The following MAGI2 variants were observed in gnomAD, a reference collection of about 807,000 sequenced individuals.
MAGI2 encodes the protein membrane associated guanylate kinase, WW and PDZ domain containing 2.
In MAGI2, 35 loss-of-function variants were observed where a neutral mutation model predicts 133.3. The observed-to-expected ratio is 0.26, with a 90% CI of 0.20 to 0.35. The LOEUF (loss-of-function observed/expected upper bound fraction) is 0.35, where lower values mean the gene tolerates loss of function less well. Ranked by LOEUF, MAGI2 falls within the 10% of genes least tolerant of loss-of-function variation. The pLI is 1.00. For synonymous variants in MAGI2, 729 were observed against 710.6 expected, an observed-to-expected ratio of 1.03 and a Z score of -0.41; for missense variants, 1,636 against 1,863.4, an observed-to-expected ratio of 0.88 and a Z score of 2.25.
At chr7:79,256,340 T>A (rs185793746) in intron 1 of MAGI2, among the ~76,000 whole-genome samples, 40 of 152,314 alleles carry the variant, frequency 2.6e-4, no homozygotes, top group African/African-American at 8.4e-4. Context: ...TGGCTGTTCC[T>A]TATCATGAAC....
intron 3 of MAGI2, among the ~76,000 whole-genome samples, chr7:78,525,751 G>C (rs1796894949): frequency 6.6e-6 from 1 of 152,192 alleles, no homozygotes; most frequent in Non-Finnish European, 1.5e-5. Flanking sequence ...TTCAGTTAAA[G>C]TGGGAAAGTG....
At chr7:79,349,524 C>T (rs931964629) in intron 1 of MAGI2, among the ~76,000 whole-genome samples, 2 of 151,798 alleles carry the variant, frequency 1.3e-5, no homozygotes, top group Non-Finnish European at 2.9e-5. Flanking sequence ...ATTTATTCCC[C>T]ACAACACTCT....
intron 6 of MAGI2, among the ~76,000 whole-genome samples, chr7:78,469,601 C>T (rs1480168778): frequency 6.6e-6 from 1 of 152,158 alleles, no homozygotes; most frequent in Non-Finnish European, 1.5e-5. Flanking sequence ...GAAGACTTCT[C>T]TTTATGAAAT....
intron 1 of MAGI2, among the ~76,000 whole-genome samples, chr7:79,175,180 G>T (rs1825982906): frequency 6.6e-6 from 1 of 151,768 alleles, no homozygotes; most frequent in Admixed American, 6.6e-5. Flanking sequence ...GAGAAAATCT[G>T]AATCAAAATT....
At chr7:79,326,941 G>A (rs1839741848) in intron 1 of MAGI2, among the ~76,000 whole-genome samples, 1 of 152,150 alleles carries the variant, frequency 6.6e-6, no homozygotes, top group African/African-American at 2.4e-5. Context: ...GAGAGAAGAC[G>A]AAAGAAGATG....
At chr7:79,012,929 T>C (rs1377866168) in intron 1 of MAGI2, among the ~76,000 whole-genome samples, 1 of 152,152 alleles carries the variant, frequency 6.6e-6, no homozygotes, top group Non-Finnish European at 1.5e-5. Context: ...GAAAATAATG[T>C]TTCTTTTTAT....
chr7:78,443,535 A>G (rs1411629948), intron 6 of MAGI2, among the ~76,000 whole-genome samples: 1 of 152,156 alleles, frequency 6.6e-6, no homozygotes, highest in African/African-American at 2.4e-5. Context: ...AGTTGATAAA[A>G]TCTAATTCAC....
intron 2 of MAGI2, among the ~76,000 whole-genome samples, chr7:78,887,906 G>A (rs1472738741): frequency 3.3e-5 from 5 of 152,210 alleles, no homozygotes; most frequent in Non-Finnish European, 5.9e-5. Flanking sequence ...GCAGCGCACC[G>A]AGCATGAGCC....
At chr7:78,216,416 T>C (rs908102087) in intron 10 of MAGI2, among the ~76,000 whole-genome samples, 1 of 152,230 alleles carries the variant, frequency 6.6e-6, no homozygotes, top group African/African-American at 2.4e-5. Context: ...CTCATCTACT[T>C]GAAACCTTGT....
At chr7:78,516,681 A>G (rs1796071862) in intron 4 of MAGI2, among the ~76,000 whole-genome samples, 1 of 152,094 alleles carries the variant, frequency 6.6e-6, no homozygotes, top group Non-Finnish European at 1.5e-5. Context: ...AGGAATTTTT[A>G]CCTATGGTGG....
intron 2 of MAGI2, among the ~76,000 whole-genome samples, chr7:78,860,957 C>A (rs2151500505): frequency 6.6e-6 from 1 of 152,316 alleles, no homozygotes; most frequent in Admixed American, 6.5e-5. Flanking sequence ...GCACCCCTCC[C>A]CAAGCCTCGC....
intron 7 of MAGI2, among the ~76,000 whole-genome samples, chr7:78,351,217 G>A (rs2361378): frequency 0.57 from 86,874 of 151,830 alleles, 25,698 homozygotes; most frequent in Middle Eastern, 0.66. Context: ...TGTAAAATAC[G>A]CATTGTGGGC....
intron 2 of MAGI2, among the ~76,000 whole-genome samples, chr7:78,792,478 G>A (rs1248281077): frequency 6.6e-6 from 1 of 152,188 alleles, no homozygotes; most frequent in Non-Finnish European, 1.5e-5. Context: ...GGAACCTCAG[G>A]CTGGAAATAA....
intron 2 of MAGI2, among the ~76,000 whole-genome samples, chr7:78,886,683 A>T (rs10252628): frequency 0.01 from 1,541 of 152,256 alleles, 31 homozygotes; most frequent in African/African-American, 0.035. Flanking sequence ...ACTTTTATAA[A>T]TTTTTATGTA....
chr7:78,321,097 C>A (rs993530500), intron 9 of MAGI2, among the ~76,000 whole-genome samples: 1 of 152,254 alleles, frequency 6.6e-6, no homozygotes, highest in African/African-American at 2.4e-5. Flanking sequence ...GAACTACAAA[C>A]CACTGCTCAA....
rs756182324 is a variant in MAGI2 at position 78,324,136 on chromosome 7, TACACTACACTACACTAC to T, written c.1408+19625_1408+19641del. On this transcript the variant is annotated intron_variant, in intron 9 of 21. Coordinates refer to ENST00000354212, the MANE Select transcript of MAGI2 (RefSeq NM_012301.4). ...GAGCAAAATAATTGACACACTACAC[TACACTACACTACACTAC>T]ACACTACACTACACTACACACTACA... Among the ~76,000 whole-genome samples the T allele has an allele frequency of 8.8e-3, 1,166 of 132,334 alleles. 9 individuals are homozygous for T. The highest frequency in any genetic ancestry group is 0.013 in the Non-Finnish European group (780 of 61,622). 86.8% of individuals were successfully genotyped at this position (132,334 alleles called of 152,430 possible).
intron 2 of MAGI2, among the ~76,000 whole-genome samples, chr7:78,668,340 G>C (rs1229357060): frequency 6.6e-6 from 1 of 150,882 alleles, no homozygotes; most frequent in African/African-American, 2.5e-5. Context: ...CCATTTTGTA[G>C]GTTGCCTGTT....
chr7:78,804,565 G>A (rs1429541451), intron 2 of MAGI2, among the ~76,000 whole-genome samples: 2 of 149,074 alleles, frequency 1.3e-5, no homozygotes, highest in Non-Finnish European at 3.0e-5. Context: ...TGGCTAACAC[G>A]GTGAAACCCC....
intron 2 of MAGI2, among the ~76,000 whole-genome samples, chr7:78,972,152 G>T (rs989753164): frequency 6.6e-6 from 1 of 151,820 alleles, no homozygotes; most frequent in African/African-American, 2.4e-5. Flanking sequence ...CAGTCTGTAA[G>T]CAGGAATATA....
Sources: gnomAD v4.1 joint callset for allele counts (sites outside exome capture counted in the v4.1 genomes callset) on GRCh38, gnomAD v4.1.1 for gene constraint, MANE v1.5 for transcripts, NCBI Gene and HGNC (gene_info 2026-07-23, HGNC 2026-07-21) for gene names.